ARHGAP15: variants seen among roughly 807,000 people sequenced by gnomAD.
The protein encoded by ARHGAP15 is rho GTPase-activating protein 15.
A neutral mutation model predicts 63.7 loss-of-function variants in ARHGAP15; 51 were observed. That is an observed-to-expected ratio of 0.80 (90% confidence interval 0.64 to 1.01). ARHGAP15 has a LOEUF of 1.01. Ranked by LOEUF, ARHGAP15 falls within the 50% of genes least tolerant of loss-of-function variation. ARHGAP15 has a pLI of 0.00. For missense variants in ARHGAP15, 560 were observed against 564.6 expected (o/e 0.99, Z 0.08); for synonymous variants, 191 against 193.8 (o/e 0.99, Z 0.12).
chr2:143,401,433 G>A (rs1350190184), intron 6 of ARHGAP15, among the ~76,000 whole-genome samples: 2 of 151,868 alleles, frequency 1.3e-5, no homozygotes, highest in Non-Finnish European at 2.9e-5. Flanking sequence ...CATTCCATGT[G>A]GGAATATTAC....
At chr2:143,418,250 T>G (rs1688770065) in intron 6 of ARHGAP15, among the ~76,000 whole-genome samples, 1 of 152,064 alleles carries the variant, frequency 6.6e-6, no homozygotes, top group Non-Finnish European at 1.5e-5. Context: ...GATAGAAAAA[T>G]TCTCCCCATC....
chr2:143,589,859 T>C (rs1223469021), intron 11 of ARHGAP15, among the ~76,000 whole-genome samples: 2 of 152,210 alleles, frequency 1.3e-5, no homozygotes, highest in African/African-American at 4.8e-5. Context: ...AAAATTAAAC[T>C]CATATAAATA....
chr2:143,677,429 T>C (rs778110447), intron 12 of ARHGAP15, among the ~76,000 whole-genome samples: 2 of 152,158 alleles, frequency 1.3e-5, no homozygotes, highest in Non-Finnish European at 2.9e-5. Flanking sequence ...GAAAGATATA[T>C]TTTTCTTCCT....
intron 11 of ARHGAP15, among the ~76,000 whole-genome samples, chr2:143,600,695 A>G (rs1697734635): frequency 6.6e-6 from 1 of 152,186 alleles, no homozygotes; most frequent in East Asian, 1.9e-4. Flanking sequence ...AGACTCATAA[A>G]GTAGATTAAA....
intron 6 of ARHGAP15, among the ~76,000 whole-genome samples, chr2:143,322,219 G>A (rs1176335277): frequency 1.3e-5 from 2 of 152,160 alleles, no homozygotes; most frequent in African/African-American, 2.4e-5. Flanking sequence ...GGACTCCTAA[G>A]CAGTTTGTTT....
intron 6 of ARHGAP15, among the ~76,000 whole-genome samples, chr2:143,284,697 T>C (rs535240828): frequency 2.0e-5 from 3 of 152,162 alleles, no homozygotes; most frequent in Admixed American, 2.0e-4. Context: ...AACATTGAGC[T>C]AAACCCACAA....
chr2:143,222,498 C>A (rs1317483879), intron 4 of ARHGAP15, among the ~76,000 whole-genome samples: 1 of 152,102 alleles, frequency 6.6e-6, no homozygotes. Flanking sequence ...TGTGTTAAAC[C>A]CGGAGTTTAA....
chr2:143,709,904 C>T (rs756210243), intron 13 of ARHGAP15, among the ~76,000 whole-genome samples: 12 of 152,190 alleles, frequency 7.9e-5, no homozygotes, highest in Non-Finnish European at 1.3e-4. Context: ...ACAGCCATCA[C>T]CCTTCTCTCT....
intron 12 of ARHGAP15, among the ~76,000 whole-genome samples, chr2:143,698,224 T>A (rs1683935558): frequency 6.6e-6 from 1 of 152,140 alleles, no homozygotes; most frequent in Non-Finnish European, 1.5e-5. Context: ...GCATGGATGA[T>A]AAGGACAGAA....
chr2:143,392,572 T>C (rs1191148466), intron 6 of ARHGAP15, among the ~76,000 whole-genome samples: 1 of 152,196 alleles, frequency 6.6e-6, no homozygotes, highest in Non-Finnish European at 1.5e-5. Context: ...TATACTCTAC[T>C]CATAGAAGAC....
chr2:143,211,709 T>C (rs1327617167), intron 3 of ARHGAP15, among the ~76,000 whole-genome samples: 2 of 152,148 alleles, frequency 1.3e-5, no homozygotes, highest in African/African-American at 2.4e-5. Context: ...TGTCTCAGCA[T>C]TGTGGATCCA....
intron 13 of ARHGAP15, among the ~76,000 whole-genome samples, chr2:143,722,390 C>G (rs1685099347): frequency 6.6e-6 from 1 of 151,986 alleles, no homozygotes; most frequent in African/African-American, 2.4e-5. Flanking sequence ...GGATATCCTT[C>G]AAAATTTATC....
chr2:143,715,368 G>T lies in ARHGAP15; in HGVS notation c.1244+11844G>T, dbSNP rs551767130. On this transcript the variant is annotated intron_variant, in intron 13 of 13. Transcript: ENST00000295095. ...ACAACTAAAGTTGAGATTTCGGTAGGAACACAGCCAAACCATATCACCTGG... is the reference window on the plus strand; with the variant it reads ...ACAACTAAAGTTGAGATTTCGGTAGTAACACAGCCAAACCATATCACCTGG... 5.9e-5 allele frequency among the ~76,000 whole-genome samples: 9 copies of T among 152,290 alleles called. No homozygotes were observed. In the South Asian group the frequency reaches 1.9e-3, roughly 32 times the overall value.
intron 6 of ARHGAP15, among the ~76,000 whole-genome samples, chr2:143,368,446 A>T (rs1335291824): frequency 6.6e-6 from 1 of 152,078 alleles, no homozygotes; most frequent in Non-Finnish European, 1.5e-5. Flanking sequence ...ATATCAGCAT[A>T]TCTTTTACTA....
chr2:143,495,899 C>T (rs1474509255), intron 9 of ARHGAP15, among the ~76,000 whole-genome samples: 1 of 152,182 alleles, frequency 6.6e-6, no homozygotes, highest in Non-Finnish European at 1.5e-5. Flanking sequence ...AATTTATATA[C>T]TAGGGCATGG....
intron 6 of ARHGAP15, among the ~76,000 whole-genome samples, chr2:143,423,315 C>G (rs768643265): frequency 1.3e-5 from 2 of 151,496 alleles, no homozygotes; most frequent in Non-Finnish European, 2.9e-5. Flanking sequence ...CATTGCTTTC[C>G]TCTTTACTAG....
intron 8 of ARHGAP15, among the ~76,000 whole-genome samples, chr2:143,444,830 C>G (rs1046041575): frequency 7.2e-5 from 11 of 152,120 alleles, no homozygotes; most frequent in Non-Finnish European, 1.2e-4. Context: ...CAGATGTTTT[C>G]ATCAAACTTT....
intron 12 of ARHGAP15, among the ~76,000 whole-genome samples, chr2:143,693,601 T>G (rs1457252133): frequency 2.0e-5 from 3 of 152,232 alleles, no homozygotes; most frequent in Non-Finnish European, 4.4e-5. Flanking sequence ...GCACTGTAAT[T>G]TTCCATTGTC....
chr2:143,315,747 T>C (rs1028525069), intron 6 of ARHGAP15, among the ~76,000 whole-genome samples: 2 of 152,164 alleles, frequency 1.3e-5, no homozygotes, highest in African/African-American at 2.4e-5. Context: ...TCGTGTTATA[T>C]ATTCCTGAAT....
Sources: allele counts gnomAD v4.1 joint callset (sites outside exome capture counted in the v4.1 genomes callset), GRCh38; gene constraint gnomAD v4.1.1; transcripts MANE v1.5; gene names NCBI Gene and HGNC (gene_info 2026-07-23, HGNC 2026-07-21).